The following UGT1A9 variants were observed in gnomAD, a reference collection of about 807,000 sequenced individuals.
UGT1A9 encodes the protein UDP glucuronosyltransferase family 1 member A9.
UGT1A9 carries 35 observed loss-of-function variants against 45.0 expected under a neutral mutation model. The ratio of observed to expected loss-of-function variants is 0.78; its 90% CI spans 0.59 to 1.03. The LOEUF is 1.03. UGT1A9 is among the 50% of genes least tolerant of loss of function. The pLI is 0.00. For missense variants in UGT1A9, 687 were observed against 666.6 expected, an observed-to-expected ratio of 1.03 and a Z score of -0.34; for synonymous variants, 278 against 250.6, an observed-to-expected ratio of 1.11 and a Z score of -1.03.
intron 1 of UGT1A9, among the ~76,000 whole-genome samples, chr2:233,751,332 T>C (rs1042149461): frequency 1.3e-5 from 2 of 152,004 alleles, no homozygotes; most frequent in African/African-American, 4.8e-5. Flanking sequence ...CCATTGTGTC[T>C]TGGAAGTTAC....
intron 1 of UGT1A9, among the ~76,000 whole-genome samples, chr2:233,736,004 C>T (rs1319353542): frequency 6.6e-6 from 1 of 152,188 alleles, no homozygotes; most frequent in Non-Finnish European, 1.5e-5. Context: ...TTGTTCTTCT[C>T]GAGGAGTATC....
At position 233,725,216 on chromosome 2, in the gene UGT1A9, AGAG is replaced by A. The variant is rs1223079485; in HGVS notation, c.856-41813_856-41811del. ...CAGAGGCAGAGGCAGAGGCAGAGGCAGAGGAGGCAGAGGCAGAGGAGGCAGAGG... is the reference window on the plus strand; with the variant it reads ...CAGAGGCAGAGGCAGAGGCAGAGGCAGAGGCAGAGGCAGAGGAGGCAGAGG... On this transcript the variant is annotated intron_variant, in intron 1 of 4. Transcript: ENST00000354728. 1.2e-3 allele frequency among the ~76,000 whole-genome samples: 54 copies of A among 45,286 alleles called. 21 individuals carry two copies. The highest frequency in any genetic ancestry group is 6.7e-3 in the African/African-American group (53 of 7,866). 29.7% of individuals were successfully genotyped at this position (45,286 alleles called of 152,430 possible). A position where few individuals can be genotyped will look rare whatever the true frequency, so the allele number is the denominator to read the frequency against.
intron 1 of UGT1A9, among the ~76,000 whole-genome samples, chr2:233,702,299 A>G (rs912021093): frequency 1.3e-5 from 2 of 152,188 alleles, no homozygotes; most frequent in African/African-American, 4.8e-5. Context: ...AGAGTTTTGT[A>G]TATTGATCTT....
chr2:233,762,588 C>T lies in UGT1A9; in HGVS notation c.856-4446C>T, dbSNP rs557401720. On this transcript the variant is annotated intron_variant, in intron 1 of 4. Coordinates refer to ENST00000354728, the MANE Select transcript of UGT1A9 (RefSeq NM_021027.3). ...TCTAGTTCCCCACAGAGGAACATTA[C>T]AATTTGTATTCCAGGAGTTTTGTTG... is the stretch of plus-strand genomic sequence containing the variant. Among the ~76,000 whole-genome samples, 47 of 152,302 alleles carry T rather than the reference C, an allele frequency of 3.1e-4. No individual in the cohort carries two copies. In the Middle Eastern group the frequency reaches 0.014, roughly 44 times the overall value.
chr2:233,690,723 C>T (rs1575444181), intron 1 of UGT1A9: 1 of 1,214,546 alleles, frequency 8.2e-7, no homozygotes, highest in South Asian at 1.5e-5. Context: ...GACGAACAGA[C>T]ATGCCAGATT....
chr2:233,680,277 A>G (rs1422864555), intron 1 of UGT1A9, among the ~76,000 whole-genome samples: 1 of 152,208 alleles, frequency 6.6e-6, no homozygotes, highest in African/African-American at 2.4e-5. Context: ...CAGTAGAACC[A>G]TAAGAGATCA....
At chr2:233,765,130 A>G (rs1448520577) in intron 1 of UGT1A9, among the ~76,000 whole-genome samples, 4 of 152,148 alleles carry the variant, frequency 2.6e-5, no homozygotes, top group Non-Finnish European at 4.4e-5. Context: ...AGGTTTTAGC[A>G]CTGAACATCA....
At chr2:233,736,545 G>A (rs1335002348) in intron 1 of UGT1A9, among the ~76,000 whole-genome samples, 1 of 152,160 alleles carries the variant, frequency 6.6e-6, no homozygotes, top group Non-Finnish European at 1.5e-5. Context: ...TTCCAGCTTT[G>A]CTCCATTGCT....
chr2:233,698,747 A>G (rs2075459836), intron 1 of UGT1A9, among the ~76,000 whole-genome samples: 1 of 152,228 alleles, frequency 6.6e-6, no homozygotes, highest in Non-Finnish European at 1.5e-5. Context: ...TTTTTTACAT[A>G]ATGCTATGAT....
At chr2:233,743,223 T>C (rs879890998) in intron 1 of UGT1A9, 26 of 414,194 alleles carry the variant, frequency 6.3e-5, no homozygotes, top group Middle Eastern at 7.1e-4. Context: ...TGCTCTTTGC[T>C]ATTTATTATG....
At chr2:233,730,738 C>A (rs998277069) in intron 1 of UGT1A9, among the ~76,000 whole-genome samples, 1 of 152,038 alleles carries the variant, frequency 6.6e-6, no homozygotes, top group Non-Finnish European at 1.5e-5. Flanking sequence ...GCGGAAGGGG[C>A]TAGGGAGGAG....
intron 1 of UGT1A9, among the ~76,000 whole-genome samples, chr2:233,766,324 C>T (rs1363274147): frequency 2.0e-5 from 3 of 152,132 alleles, no homozygotes; most frequent in East Asian, 1.9e-4. Context: ...AGCCAAACTC[C>T]GCGTTGTTCT....
At chr2:233,693,704 T>A in intron 1 of UGT1A9, 1 of 1,614,252 alleles carries the variant, frequency 6.2e-7, no homozygotes, top group Non-Finnish European at 8.5e-7. Context: ...AGAACTCGCA[T>A]CAGCTGTCCT....
intron 1 of UGT1A9, chr2:233,722,085 C>T: frequency 4.6e-6 from 1 of 216,028 alleles, no homozygotes; most frequent in Non-Finnish European, 9.4e-6. Context: ...TTTCACAGAT[C>T]ACCTTAGGCC....
chr2:233,736,099 G>A (rs1234908815), intron 1 of UGT1A9, among the ~76,000 whole-genome samples: 3 of 152,216 alleles, frequency 2.0e-5, no homozygotes, highest in African/African-American at 7.2e-5. Context: ...ATATCCTGAA[G>A]AGTGTTTTCC....
At chr2:233,765,256 G>A (rs1698788052) in intron 1 of UGT1A9, among the ~76,000 whole-genome samples, 1 of 152,096 alleles carries the variant, frequency 6.6e-6, no homozygotes, top group African/African-American at 2.4e-5. Flanking sequence ...CCATTACTGG[G>A]TATATACCCA....
rs937345281 is a variant in UGT1A9, at chr2:233,688,628, C to A, written c.855+15839C>A. 9.2e-5 allele frequency among the ~76,000 whole-genome samples: 14 copies of A among 152,130 alleles called. 1 individual carries two copies. The highest frequency in any genetic ancestry group is 3.4e-4 in the African/African-American group (14 of 41,444). On this transcript the variant is annotated intron_variant, in intron 1 of 4. Coordinates refer to ENST00000354728, the MANE Select transcript of UGT1A9 (RefSeq NM_021027.3). ...ACACCCTCAGCAAACATGAGTTCGTCTTGTTTTTGTTGGTGTTACAGAATA... is the reference window on the plus strand; with the variant it reads ...ACACCCTCAGCAAACATGAGTTCGTATTGTTTTTGTTGGTGTTACAGAATA...
At chr2:233,732,639 A>G (rs1283662238) in intron 1 of UGT1A9, among the ~76,000 whole-genome samples, 1 of 151,906 alleles carries the variant, frequency 6.6e-6, no homozygotes, top group Non-Finnish European at 1.5e-5. Context: ...TATTTCTGAG[A>G]CCACTGTTCT....
At chr2:233,766,319 A>G (rs1575819132) in intron 1 of UGT1A9, among the ~76,000 whole-genome samples, 1 of 151,982 alleles carries the variant, frequency 6.6e-6, no homozygotes, top group African/African-American at 2.4e-5. Flanking sequence ...GCCTCAGCCA[A>G]ACTCCGCGTT....
Sources: gnomAD v4.1 joint callset for allele counts (sites outside exome capture counted in the v4.1 genomes callset) on GRCh38, gnomAD v4.1.1 for gene constraint, MANE v1.5 for transcripts, NCBI Gene and HGNC (gene_info 2026-07-23, HGNC 2026-07-21) for gene names.